Variants in KCNH8 observed in about 807,000 individuals in gnomAD.
KCNH8 encodes potassium voltage-gated channel subfamily H member 8, also known as voltage-gated delayed rectifier potassium channel KCNH8.
KCNH8 carries 70 observed loss-of-function variants against 103.6 expected under a neutral mutation model. That is an observed-to-expected ratio of 0.68 (90% CI 0.56 to 0.82). The LOEUF (loss-of-function observed/expected upper bound fraction) is 0.82. Ranked by LOEUF, KCNH8 falls within the 40% of genes least tolerant of loss-of-function variation. The pLI is 0.00. For synonymous variants in KCNH8, 498 were observed against 489.4 expected (o/e 1.02, Z -0.23); for missense variants, 1,217 against 1,329.9 (o/e 0.92, Z 1.32).
chr3:19,258,979 A>ATC (rs2064390691), intron 2 of KCNH8, among the ~76,000 whole-genome samples: 1 of 127,068 alleles, frequency 7.9e-6, no homozygotes, highest in African/African-American at 2.9e-5. Context: ...ATATATATAT[A>ATC]TATCTGGAAA....
chr3:19,485,094 A>G (rs2068177259), intron 11 of KCNH8, among the ~76,000 whole-genome samples: 1 of 152,160 alleles, frequency 6.6e-6, no homozygotes, highest in Non-Finnish European at 1.5e-5. Context: ...GGCGGCATGT[A>G]GCTTCCAAGT....
At chr3:19,393,971 G>A (rs1305838006) in intron 6 of KCNH8, among the ~76,000 whole-genome samples, 1 of 152,014 alleles carries the variant, frequency 6.6e-6, no homozygotes, top group Admixed American at 6.6e-5. Context: ...GTCAGGTACT[G>A]TTCTAGGTAT....
chr3:19,342,693 G>T lies in KCNH8; in HGVS notation c.549G>T (p.Lys183Asn), dbSNP rs139868334. The T allele has an allele frequency of 1.9e-5, 30 of 1,608,678 alleles. No individual in the cohort carries two copies. Among genetic ancestry groups the T allele is most frequent in the South Asian group, 4.4e-5 (4 of 90,934 alleles). The change falls in exon 4 of 16, where the codon AAG becomes AAT. Residue 183 changes from lysine (K) to asparagine (N), a missense_variant. By Grantham distance (94) the Lys-to-Asn change is moderately conservative. Around this residue, in one of 3 missense-constraint regions of KCNH8, gnomAD observed 244 missense variants for 256.8 expected, o/e 0.95. Coordinates refer to ENST00000328405, the MANE Select transcript of KCNH8 (RefSeq NM_144633.3). ...CTGGGCACCTGCAAAGAAGAGAAAAGAACAAATTGAAAATAAATAACGTAG... is the reference window on the plus strand; with the variant it reads ...CTGGGCACCTGCAAAGAAGAGAAAATAACAAATTGAAAATAAATAACGTAG... ...HISGHLQRREKNKLKINNNVF... is the reference protein window; with the variant it reads ...HISGHLQRRENNKLKINNNVF...
chr3:19,334,254 G>A (rs1342273483), intron 3 of KCNH8, among the ~76,000 whole-genome samples: 3 of 152,138 alleles, frequency 2.0e-5, no homozygotes, highest in African/African-American at 7.2e-5. Context: ...TAGACTCCAG[G>A]CTTTTAGTCC....
At chr3:19,476,138 C>T (rs2067970430) in intron 11 of KCNH8, among the ~76,000 whole-genome samples, 1 of 152,158 alleles carries the variant, frequency 6.6e-6, no homozygotes, top group African/African-American at 2.4e-5. Context: ...GGATGCATAT[C>T]ACCCCACTAT....
intron 2 of KCNH8, among the ~76,000 whole-genome samples, chr3:19,266,468 A>G (rs1007142709): frequency 6.6e-6 from 1 of 152,088 alleles, no homozygotes; most frequent in Non-Finnish European, 1.5e-5. Context: ...TATTTCATCT[A>G]TGAGGCTTTC....
At chr3:19,389,689 G>T (rs149791248) in intron 5 of KCNH8, among the ~76,000 whole-genome samples, 70 of 152,180 alleles carry the variant, frequency 4.6e-4, no homozygotes, top group African/African-American at 1.7e-3. Flanking sequence ...AGTGCATGGT[G>T]CAATCATGGC....
chr3:19,524,895 G>A (rs934199190), intron 15 of KCNH8, among the ~76,000 whole-genome samples: 10 of 151,904 alleles, frequency 6.6e-5, no homozygotes, highest in Non-Finnish European at 1.2e-4. Context: ...AACAGCAGAA[G>A]TTCACCACAA....
chr3:19,343,939 A>G (rs539205455), intron 4 of KCNH8, among the ~76,000 whole-genome samples: 66 of 150,722 alleles, frequency 4.4e-4, no homozygotes, highest in African/African-American at 1.6e-3. Context: ...AGGACCATCA[A>G]CCATGTCCGT....
intron 11 of KCNH8, 135 bp from the exon 12 acceptor site, chr3:19,510,228 A>G (rs2068760220): frequency 3.0e-6 from 2 of 663,044 alleles, no homozygotes; most frequent in Middle Eastern, 2.5e-4. Context: ...GCACAGGTAG[A>G]TCCACACCCC....
At chr3:19,397,923 T>G (rs982168328) in intron 7 of KCNH8, among the ~76,000 whole-genome samples, 1 of 151,956 alleles carries the variant, frequency 6.6e-6, no homozygotes, top group African/African-American at 2.4e-5. Context: ...AACTTTATAA[T>G]GAAGTAGCTT....
chr3:19,406,304 C>T (rs528889805), intron 7 of KCNH8, among the ~76,000 whole-genome samples: 14 of 152,168 alleles, frequency 9.2e-5, no homozygotes, highest in African/African-American at 1.9e-4. Context: ...TCTTAACCTT[C>T]GGAGACTTTT....
At chr3:19,455,068 A>T (rs1188233250) in intron 10 of KCNH8, among the ~76,000 whole-genome samples, 1 of 152,156 alleles carries the variant, frequency 6.6e-6, no homozygotes, top group African/African-American at 2.4e-5. Context: ...CCAATGAAAA[A>T]AAGCTAATGT....
chr3:19,504,982 T>TAC (rs1438328436), intron 11 of KCNH8, among the ~76,000 whole-genome samples: 48 of 150,972 alleles, frequency 3.2e-4, no homozygotes, highest in African/African-American at 1.0e-3. Context: ...TATATATATA[T>TAC]ACACATATAT....
At chr3:19,286,665 A>G (rs905287040) in intron 3 of KCNH8, among the ~76,000 whole-genome samples, 1 of 152,112 alleles carries the variant, frequency 6.6e-6, no homozygotes, top group African/African-American at 2.4e-5. Context: ...CCTCCCATAT[A>G]CTTTAAAAAA....
chr3:19,401,315 C>A (rs2125139039), intron 7 of KCNH8, among the ~76,000 whole-genome samples: 1 of 152,120 alleles, frequency 6.6e-6, no homozygotes, highest in African/African-American at 2.4e-5. Flanking sequence ...TAACCAGTAA[C>A]AATTCAGTCC....
intron 3 of KCNH8, among the ~76,000 whole-genome samples, chr3:19,301,612 G>A (rs1663007307): frequency 6.6e-6 from 1 of 152,030 alleles, no homozygotes; most frequent in Admixed American, 6.6e-5. Context: ...CCAATTCTCT[G>A]TGGACACCAA....
chr3:19,162,977 T>C (rs1234920743), intron 1 of KCNH8, among the ~76,000 whole-genome samples: 2 of 152,054 alleles, frequency 1.3e-5, no homozygotes, highest in Non-Finnish European at 2.9e-5. Flanking sequence ...TTAGCAACCA[T>C]AGATAATATT....
chr3:19,149,106 T>C (rs529009905), intron 1 of KCNH8, among the ~76,000 whole-genome samples: 319 of 152,276 alleles, frequency 2.1e-3, no homozygotes, highest in Middle Eastern at 6.8e-3. Context: ...GAATTGGTTG[T>C]AATTTTCTGA....
Sources: allele counts gnomAD v4.1 joint callset (sites outside exome capture counted in the v4.1 genomes callset), GRCh38; gene constraint gnomAD v4.1.1; regional missense constraint gnomAD v4.1.1; transcripts MANE v1.5; gene names NCBI Gene and HGNC (gene_info 2026-07-23, HGNC 2026-07-21).